Variants in SLC28A3 observed in about 807,000 individuals in gnomAD.
SLC28A3 encodes concentrative Na(+)-nucleoside cotransporter 3.
A neutral mutation model predicts 84.2 loss-of-function variants in SLC28A3; 68 were observed. That is an observed-to-expected ratio of 0.81 (90% CI 0.66 to 0.99). The LOEUF (loss-of-function observed/expected upper bound fraction) is 0.99, where lower values mean the gene tolerates loss of function less well. Among genes scored for constraint, SLC28A3 ranks in the 50% least tolerant of loss-of-function variants. The pLI is 0.00. For synonymous variants in SLC28A3, 267 were observed against 303.6 expected (o/e 0.88, Z 1.25); for missense variants, 712 against 841.5 (o/e 0.85, Z 1.90).
At chr9:84,358,822 A>G in the SLC28A3 span, among the ~76,000 whole-genome samples, 6 of 152,164 alleles carry the variant, frequency 3.9e-5, no homozygotes, top group Non-Finnish European at 7.3e-5. Context: ...GTTATTTTTG[A>G]GACAGGGTCT....
At chr9:84,339,099 C>A (rs1412825849) in intron 1 of SLC28A3, among the ~76,000 whole-genome samples, 1 of 152,182 alleles carries the variant, frequency 6.6e-6, no homozygotes, top group Non-Finnish European at 1.5e-5. Flanking sequence ...CCCACCCCCA[C>A]TTTATTGTCC....
chr9:84,288,000 C>T lies in SLC28A3; in HGVS notation c.1280+48G>A, dbSNP rs11568404. 450 of 1,611,086 alleles carry T rather than the reference C, an allele frequency of 2.8e-4. 4 individuals are homozygous for T. In the East Asian group the frequency reaches 8.1e-3, roughly 29 times the overall value. ...GCTGTACATTGACTCCTGGAGTCCCCCGCCCCGGCTTGGGTAGTCATTAAT... is the reference window on the plus strand; with the variant it reads ...GCTGTACATTGACTCCTGGAGTCCCTCGCCCCGGCTTGGGTAGTCATTAAT... On this transcript the variant is annotated intron_variant, in intron 12 of 17. Coordinates refer to ENST00000376238, the MANE Select transcript of SLC28A3 (RefSeq NM_001199633.2).
chr9:84,290,210 T>A lies in SLC28A3; in HGVS notation c.1093A>T (p.Thr365Ser), dbSNP rs746815618. 3.7e-6 allele frequency: 6 copies of A among 1,613,964 alleles called. No individual in the cohort carries two copies. The highest frequency in any genetic ancestry group is 5.1e-6 in the Non-Finnish European group (6 of 1,179,984). ...ITKSELHAIM[T>S]AGFSTIAGSV... The stretch of plus-strand genomic sequence containing the variant: ...CCAGCAATGGTAGAGAACCCGGCGG[T>A]CATGATGGCGTGGAGTTCAGACTTG... The change falls in exon 11 of 18, where the codon ACC becomes TCC. Residue 365 changes from threonine to serine, a missense_variant. Coordinates refer to ENST00000376238, the MANE Select transcript of SLC28A3 (RefSeq NM_001199633.2).
chr9:84,329,380 A>G (rs1826690953), intron 1 of SLC28A3, among the ~76,000 whole-genome samples: 1 of 152,234 alleles, frequency 6.6e-6, no homozygotes, highest in Non-Finnish European at 1.5e-5. Context: ...CCTTATAGAC[A>G]TATACAGAAC....
intron 1 of SLC28A3, among the ~76,000 whole-genome samples, chr9:84,322,588 T>C (rs1412778624): frequency 6.6e-6 from 1 of 152,168 alleles, no homozygotes; most frequent in Non-Finnish European, 1.5e-5. Context: ...CTGATGCCCA[T>C]AATCCCAGCA....
intron 1 of SLC28A3, among the ~76,000 whole-genome samples, chr9:84,318,727 G>C (rs1349233491): frequency 1.3e-5 from 2 of 152,014 alleles, no homozygotes; most frequent in East Asian, 3.9e-4. Context: ...AAATTAGCCG[G>C]GCGTGGTGGC....
the SLC28A3 span, among the ~76,000 whole-genome samples, chr9:84,346,114 A>G: frequency 2.6e-5 from 4 of 152,352 alleles, no homozygotes; most frequent in South Asian, 8.3e-4. Flanking sequence ...CTCAAACTCA[A>G]TTTTAAACTT....
intron 1 of SLC28A3, among the ~76,000 whole-genome samples, chr9:84,319,931 TATTA>T (rs1373241348): frequency 2.0e-5 from 3 of 152,116 alleles, no homozygotes; most frequent in Non-Finnish European, 2.9e-5. Context: ...TTTGCACCTT[TATTA>T]ATTTTTTATT....
Position 84,286,029 on chromosome 9 carries a change from T to A in SLC28A3, c.1363A>T (p.Ile455Phe), listed in dbSNP as rs2118102067. 1 of 1,613,990 alleles carries A rather than the reference T, an allele frequency of 6.2e-7. No individual in the cohort carries two copies. The highest frequency in any genetic ancestry group is 2.2e-5 in the East Asian group (1 of 44,874). ...SLVANIAVNL[I>F]AFLALLSFMN... ...AAAGACAGCAGGGCCAGGAAGGCAATCAGATTCACAGCGATGTTGGCCACC... is the reference window on the plus strand; with the variant it reads ...AAAGACAGCAGGGCCAGGAAGGCAAACAGATTCACAGCGATGTTGGCCACC... The change falls in exon 13 of 18, where the codon ATT becomes TTT. Residue 455 changes from isoleucine to phenylalanine, a missense_variant. Physicochemically the swap from Ile to Phe is conservative, Grantham distance 21. Transcript: ENST00000376238.
chr9:84,328,839 G>A (rs1826672988), intron 1 of SLC28A3, among the ~76,000 whole-genome samples: 1 of 151,982 alleles, frequency 6.6e-6, no homozygotes, highest in Non-Finnish European at 1.5e-5. Context: ...GAGGTGAGAG[G>A]ATTGCTTGAG....
intron 2 of SLC28A3, among the ~76,000 whole-genome samples, chr9:84,311,175 C>G (rs112898597): frequency 7.5e-4 from 114 of 152,290 alleles, no homozygotes; most frequent in African/African-American, 2.5e-3. Flanking sequence ...CCAATGTCAC[C>G]CAAGGCCCAT....
At chr9:84,317,142 G>C (rs111899015) in intron 1 of SLC28A3, among the ~76,000 whole-genome samples, 129 of 152,288 alleles carry the variant, frequency 8.5e-4, no homozygotes, top group African/African-American at 3.0e-3. Context: ...GAAATGGCTG[G>C]GGTAGAATCT....
chr9:84,294,368 C>T lies in SLC28A3; in HGVS notation c.862-93G>A, dbSNP rs982958649. ...CTCCTCTCTGTCTCCTTTTCTCCCT[C>T]TGAAACATCATAAAAATATGGGAAA... On this transcript the variant is annotated intron_variant, in intron 8 of 17. Coordinates refer to ENST00000376238, the MANE Select transcript of SLC28A3 (RefSeq NM_001199633.2). 7 of 1,169,088 alleles carry T rather than the reference C, an allele frequency of 6.0e-6. No individual in the cohort carries two copies. The African/African-American group carries it at 7.6e-5, about 13-fold the overall frequency. The allele number at this position is 1,169,088 out of a possible 1,614,324, so 72.4% of individuals were successfully genotyped here.
intron 1 of SLC28A3, among the ~76,000 whole-genome samples, chr9:84,337,678 T>C (rs1328887592): frequency 6.6e-6 from 1 of 152,164 alleles, no homozygotes; most frequent in African/African-American, 2.4e-5. Flanking sequence ...CCTTCATAAA[T>C]AGCAAACGTC....
chr9:84,285,398 A>T lies in SLC28A3; in HGVS notation c.1594T>A (p.Leu532Met). ...AYEHLSKWIHLRKEGGPKFVN... is the reference protein window; with the variant it reads ...AYEHLSKWIHMRKEGGPKFVN... ...AATTTGGGTCCACCTTCTTTCCTCA[A>T]GTGGATCCATTTTGAGAGGTGCTCA... Residue 532 changes from leucine to methionine, a missense_variant, in exon 14 of 18, where the codon TTG becomes ATG. Physicochemically the swap from Leu to Met is conservative, Grantham distance 15. Transcript: ENST00000376238. 5.0e-6 allele frequency: 8 copies of T among 1,614,106 alleles called. No individual in the cohort carries two copies. The highest frequency in any genetic ancestry group is 6.8e-6 in the Non-Finnish European group (8 of 1,179,960).
At chr9:84,320,040 GTTTTTTTT>G (rs1182939298) in intron 1 of SLC28A3, among the ~76,000 whole-genome samples, 17 of 59,610 alleles carry the variant, frequency 2.9e-4, no homozygotes, top group African/African-American at 8.8e-4. Context: ...GGCTTGCACT[GTTTTTTTT>G]TTTTTTTTTT....
chr9:84,309,852 T>G (rs747281058), intron 2 of SLC28A3, 138 bp from the exon 3 acceptor site: 2 of 671,670 alleles, frequency 3.0e-6, no homozygotes, highest in African/African-American at 3.7e-5. Context: ...TGGCTCCTAT[T>G]ATCTACTGCA....
chr9:84,304,576 G>C (rs11140505), intron 4 of SLC28A3, among the ~76,000 whole-genome samples: 6,468 of 152,250 alleles, frequency 0.042, 432 homozygotes, highest in East Asian at 0.31. Context: ...TCAGGCAAGC[G>C]AGTGGGCTAG....
At chr9:84,342,140 AAAAAG>A (rs1224675061), upstream of SLC28A3, among the ~76,000 whole-genome samples, 9 of 133,032 alleles carry the variant, frequency 6.8e-5, no homozygotes, top group African/African-American at 2.8e-4. Context: ...AAAAAAAAAA[AAAAAG>A]AAAAGAAAAA....
Sources: allele counts gnomAD v4.1 joint callset (sites outside exome capture counted in the v4.1 genomes callset), GRCh38; gene constraint gnomAD v4.1.1; transcripts MANE v1.5; gene names NCBI Gene and HGNC (gene_info 2026-07-23, HGNC 2026-07-21).